The following ATG7 variants were observed in gnomAD, a reference collection of about 807,000 sequenced individuals.
ATG7 encodes the protein autophagy related 7, also known as ubiquitin-like modifier-activating enzyme ATG7.
Under a neutral mutation model 82.4 loss-of-function variants are expected in ATG7, and 70 were observed. That is an observed-to-expected ratio of 0.85 (90% CI 0.70 to 1.04). The LOEUF (loss-of-function observed/expected upper bound fraction) is 1.04, where lower values mean the gene tolerates loss of function less well. Ranked by LOEUF, ATG7 falls within the 50% of genes least tolerant of loss-of-function variation. The pLI is 0.00. For synonymous variants in ATG7, 287 were observed against 313.0 expected (o/e 0.92, Z 0.88); for missense variants, 792 against 864.3 (o/e 0.92, Z 1.05).
intron 20 of ATG7, among the ~76,000 whole-genome samples, chr3:11,467,126 G>C (rs2086909483): frequency 1.1e-5 from 1 of 88,254 alleles, no homozygotes; most frequent in South Asian, 5.4e-4. Flanking sequence ...CCCCATCTCA[G>C]AAAAAAACAA....
At chr3:11,469,988 C>CAAAAAAAA (rs10628540) in intron 20 of ATG7, among the ~76,000 whole-genome samples, 35 of 87,524 alleles carry the variant, frequency 4.0e-4, no homozygotes, top group African/African-American at 6.2e-4. Flanking sequence ...GACTCCATCT[C>CAAAAAAAA]AAAAAAAAAA....
chr3:11,569,781 T>A, the ATG7 span, among the ~76,000 whole-genome samples: 1 of 152,252 alleles, frequency 6.6e-6, no homozygotes, highest in South Asian at 2.1e-4. Context: ...ACTTGGAGGC[T>A]GAAGTGGGAG....
intron 20 of ATG7, among the ~76,000 whole-genome samples, chr3:11,440,066 A>C (rs1553666833): frequency 1.3e-5 from 2 of 152,170 alleles, no homozygotes; most frequent in Non-Finnish European, 2.9e-5. Context: ...TATAGAACAT[A>C]TCTCTACTTT....
chr3:11,279,509 C>G (rs894050316), intron 1 of ATG7, among the ~76,000 whole-genome samples: 1 of 152,106 alleles, frequency 6.6e-6, no homozygotes, highest in African/African-American at 2.4e-5. Context: ...CATAGTGAAA[C>G]CTTGTCTCTA....
intron 1 of ATG7, chr3:11,277,136 C>G (rs1189543274): frequency 6.6e-6 from 1 of 152,378 alleles, no homozygotes; most frequent in South Asian, 2.1e-4. Flanking sequence ...CCTCCATTTC[C>G]TCCCTTGCTC....
In ATG7 at chr3:11,334,944, ACT is replaced by A. The variant is rs1952191530; in HGVS notation, c.889+1854_889+1855del. Among the ~76,000 whole-genome samples, 5 of 98,912 alleles carry A rather than the reference ACT, an allele frequency of 5.1e-5. No individual in the cohort carries two copies. In the South Asian group the frequency reaches 1.8e-3, roughly 35 times the overall value. 64.9% of individuals were successfully genotyped at this position (98,912 alleles called of 152,430 possible). On this transcript the variant is annotated intron_variant, in intron 11 of 20. Transcript: ENST00000693202. ...ACTCCAGCCTGGGTGACAGAGCAAGACTCTGTCTCAAAAAAAAAAAAAAAAAA... is the reference window on the plus strand; with the variant it reads ...ACTCCAGCCTGGGTGACAGAGCAAGACTGTCTCAAAAAAAAAAAAAAAAAA...
At chr3:11,380,225 A>G (rs1308425867) in intron 19 of ATG7, among the ~76,000 whole-genome samples, 173 bp downstream of exon 19, 1 of 152,216 alleles carries the variant, frequency 6.6e-6, no homozygotes, top group Admixed American at 6.5e-5. Flanking sequence ...TCATTCTCAC[A>G]GTGGTTTAAA....
At chr3:11,303,668 TAAA>T (rs1309840061) in intron 5 of ATG7, among the ~76,000 whole-genome samples, 1 of 132,730 alleles carries the variant, frequency 7.5e-6, no homozygotes. Flanking sequence ...ACTCCGTCTC[TAAA>T]AAAAAAAAAA....
intron 20 of ATG7, among the ~76,000 whole-genome samples, chr3:11,458,365 G>A (rs970611080): frequency 3.3e-5 from 5 of 152,178 alleles, no homozygotes; most frequent in Admixed American, 6.5e-5. Flanking sequence ...CTGGGTTCAC[G>A]CCATTCTCCT....
At chr3:11,389,201 C>T (rs1221606079) in intron 19 of ATG7, among the ~76,000 whole-genome samples, 2 of 139,688 alleles carry the variant, frequency 1.4e-5, no homozygotes, top group African/African-American at 5.4e-5. Context: ...CCACTGTGCT[C>T]CAGCCTGGGG....
At chr3:11,314,640 G>A (rs1171942868) in intron 8 of ATG7, among the ~76,000 whole-genome samples, 3 of 152,078 alleles carry the variant, frequency 2.0e-5, no homozygotes, top group Non-Finnish European at 4.4e-5. Flanking sequence ...CTTTAAATGG[G>A]TGAATTGGGC....
At chr3:11,437,350 G>A (rs993211756) in intron 20 of ATG7, among the ~76,000 whole-genome samples, 3 of 152,136 alleles carry the variant, frequency 2.0e-5, no homozygotes, top group Non-Finnish European at 2.9e-5. Context: ...AACACTGAGG[G>A]AAGAGATGGA....
Position 11,500,616 on chromosome 3 carries a change from C to T in ATG7, c.2080-54195C>T, listed in dbSNP as rs145939018. 2.2e-4 allele frequency among the ~76,000 whole-genome samples: 33 copies of T among 152,216 alleles called. No homozygotes were observed. In the East Asian group the frequency reaches 5.2e-3, roughly 24 times the overall value. ...GTAAAATTTTTGAGTATAGATAATA[C>T]AGTGCTTAGGAAAATTCTTCAACTT... On this transcript the variant is annotated intron_variant, in intron 20 of 20. Transcript: ENST00000693202.
At chr3:11,411,401 G>C (rs746532092) in intron 19 of ATG7, among the ~76,000 whole-genome samples, 2 of 151,890 alleles carry the variant, frequency 1.3e-5, no homozygotes, top group African/African-American at 2.4e-5. Context: ...CAAGGTGGGC[G>C]GATCATGAGG....
chr3:11,562,441 G>T (rs1361344657), downstream of ATG7, among the ~76,000 whole-genome samples: 2 of 152,102 alleles, frequency 1.3e-5, no homozygotes, highest in Non-Finnish European at 2.9e-5. Flanking sequence ...TGCAGCATGC[G>T]TCCTGCCTGC....
intron 20 of ATG7, among the ~76,000 whole-genome samples, chr3:11,455,121 G>A (rs890494624): frequency 2.6e-5 from 4 of 152,194 alleles, no homozygotes; most frequent in African/African-American, 9.6e-5. Context: ...ATTATACAAA[G>A]TAAGGTATGC....
At chr3:11,330,334 A>C (rs1951466319) in intron 9 of ATG7, among the ~76,000 whole-genome samples, 1 of 152,210 alleles carries the variant, frequency 6.6e-6, no homozygotes, top group Non-Finnish European at 1.5e-5. Flanking sequence ...TTGTCCCTTC[A>C]CATTTATTCC....
intron 19 of ATG7, among the ~76,000 whole-genome samples, chr3:11,396,076 A>G (rs1055632831): frequency 3.3e-5 from 5 of 151,788 alleles, no homozygotes; most frequent in African/African-American, 9.7e-5. Flanking sequence ...GTCTTCTCCA[A>G]ATAGGAGGAA....
chr3:11,442,723 T>A (rs931949578), intron 20 of ATG7, among the ~76,000 whole-genome samples: 1 of 106,056 alleles, frequency 9.4e-6, no homozygotes, highest in Non-Finnish European at 1.7e-5. Context: ...GGCAGCATAG[T>A]GAGACTCCAT....
Sources: gnomAD v4.1 joint callset for allele counts (sites outside exome capture counted in the v4.1 genomes callset) on GRCh38, gnomAD v4.1.1 for gene constraint, MANE v1.5 for transcripts, NCBI Gene and HGNC (gene_info 2026-07-23, HGNC 2026-07-21) for gene names.